Variants in LARP7 observed in about 807,000 individuals in gnomAD.
LARP7 encodes la-related protein 7.
LARP7 carries 52 observed loss-of-function variants against 69.3 expected under a neutral mutation model. The ratio of observed to expected loss-of-function variants is 0.75; its 90% confidence interval spans 0.60 to 0.95. The LOEUF (loss-of-function observed/expected upper bound fraction) is 0.95, where lower values mean the gene tolerates loss of function less well. LARP7 is among the 40% of genes least tolerant of loss of function. The pLI is 0.00. For synonymous variants in LARP7, 254 were observed against 215.9 expected (o/e 1.18, Z -1.55); for missense variants, 733 against 673.0 (o/e 1.09, Z -0.99).
chr4:112,649,343 G>C (rs906286007), intron 8 of LARP7, among the ~76,000 whole-genome samples, 192 bp from the exon 9 acceptor site: 1 of 152,096 alleles, frequency 6.6e-6, no homozygotes, highest in South Asian at 2.1e-4. Flanking sequence ...TGAATATTGG[G>C]GGAAGAGGAA....
chr4:112,646,403 T>A lies in LARP7; in HGVS notation c.255T>A (p.Thr85=), dbSNP rs780698789. ...VSFNKMKKLT[T]DGKLIARALR... ...TTAACAAAATGAAAAAATTGACTAC[T>A]GATGGGAAGTTAATTGCCAGAGCAT... Residue 85 remains threonine (T), a synonymous_variant, in exon 3 of 13, where the codon ACT becomes ACA. Coordinates refer to ENST00000344442, the MANE Select transcript of LARP7 (RefSeq NM_016648.4). 1 of 1,605,566 alleles carries A rather than the reference T, an allele frequency of 6.2e-7. No individual in the cohort carries two copies. The highest frequency in any genetic ancestry group is 8.5e-7 in the Non-Finnish European group (1 of 1,173,338).
intron 8 of LARP7, chr4:112,648,158 A>T (rs1297037892): frequency 3.8e-6 from 2 of 520,616 alleles, no homozygotes; most frequent in Non-Finnish European, 7.8e-6. Flanking sequence ...CTAAAAAAAT[A>T]ATAAAAATGT....
rs1057138690 is a variant in LARP7 at position 112,646,736 on chromosome 4, A to G, written c.388-55A>G. 3.2e-6 allele frequency: 5 copies of G among 1,552,202 alleles called. 1 individual carries two copies. The highest frequency in any genetic ancestry group is 4.1e-5 in the Admixed American group (2 of 49,132). On this transcript the variant is annotated intron_variant, in intron 4 of 12. Transcript: ENST00000344442. ...CAGAAACAATATAATTAAGTTAAAA[A>G]TTTATTGACATTCTGATTGTGAAAA...
intron 2 of LARP7, among the ~76,000 whole-genome samples, chr4:112,645,946 G>GT (rs1206728158): frequency 6.6e-6 from 1 of 152,044 alleles, no homozygotes; most frequent in Non-Finnish European, 1.5e-5. Context: ...ACACTAAAAT[G>GT]TGTCATTTTA....
Position 112,654,340 on chromosome 4 carries a change from A to T in LARP7, c.1668+181A>T, listed in dbSNP as rs4498194. 0.048 allele frequency: 23,607 copies of T among 488,306 alleles called. 764 individuals carry two copies. The highest frequency in any genetic ancestry group is 0.063 in the Non-Finnish European group (17,231 of 273,808). 30.2% of individuals were successfully genotyped at this position (488,306 alleles called of 1,614,324 possible). On this transcript the variant is annotated intron_variant, in intron 12 of 12. Coordinates refer to ENST00000344442, the MANE Select transcript of LARP7 (RefSeq NM_016648.4). ...ATTTCTCTAGATTTCAAAATGTATGAAATTGAATTATTTTTCTCACAAGGA... is the reference window on the plus strand; with the variant it reads ...ATTTCTCTAGATTTCAAAATGTATGTAATTGAATTATTTTTCTCACAAGGA...
chr4:112,648,950 A>C (rs1483444766), intron 8 of LARP7, among the ~76,000 whole-genome samples: 2 of 151,444 alleles, frequency 1.3e-5, no homozygotes, highest in East Asian at 3.9e-4. Flanking sequence ...AAAGAAAAAG[A>C]AAATCTCCTA....
At chr4:112,646,993 G>T in intron 5 of LARP7, 38 bp downstream of exon 5, 1 of 1,564,304 alleles carries the variant, frequency 6.4e-7, no homozygotes, top group Non-Finnish European at 8.6e-7. Context: ...AGAAAGAAAA[G>T]AAAACAAGTA....
intron 1 of LARP7, among the ~76,000 whole-genome samples, chr4:112,638,242 G>A (rs889630219): frequency 2.0e-5 from 3 of 151,842 alleles, no homozygotes; most frequent in African/African-American, 7.3e-5. Context: ...ATTACAGTGA[G>A]CCGGGATCGC....
At chr4:112,645,564 G>A (rs767945524) in intron 2 of LARP7, 13 of 455,994 alleles carry the variant, frequency 2.9e-5, no homozygotes, top group South Asian at 1.9e-4. Flanking sequence ...GGAATGCACT[G>A]GCTCCATGTC....
chr4:112,640,173 A>C lies in LARP7; in HGVS notation c.-3+2934A>C, dbSNP rs2047904980. On this transcript the variant is annotated intron_variant, in intron 1 of 12. Coordinates refer to ENST00000344442, the MANE Select transcript of LARP7 (RefSeq NM_016648.4). ...AGGCTGGTCTTGAACTTCTGACCTC[A>C]AGTGATACACCTGGCTCGGCCTCCC... 2.6e-5 allele frequency among the ~76,000 whole-genome samples: 4 copies of C among 151,990 alleles called. No homozygotes were observed. The South Asian group carries it at 8.3e-4, about 32-fold the overall frequency.
At chr4:112,638,606 C>T (rs901003235) in intron 1 of LARP7, among the ~76,000 whole-genome samples, 5 of 152,076 alleles carry the variant, frequency 3.3e-5, no homozygotes, top group Non-Finnish European at 7.4e-5. Context: ...TAACTGGTTC[C>T]CTTATTTACA....
intron 1 of LARP7, chr4:112,637,895 T>C (rs2047751691): frequency 6.6e-6 from 1 of 152,252 alleles, no homozygotes; most frequent in Non-Finnish European, 1.5e-5. Flanking sequence ...GGACTTGAGT[T>C]GTAAGCAGTG....
intron 1 of LARP7, among the ~76,000 whole-genome samples, chr4:112,641,885 T>G (rs1309991983): frequency 6.6e-6 from 1 of 152,130 alleles, no homozygotes; most frequent in Non-Finnish European, 1.5e-5. Context: ...AAGATAGATT[T>G]GTAAAGCATC....
intron 8 of LARP7, chr4:112,648,221 C>A: frequency 1.9e-6 from 1 of 533,052 alleles, no homozygotes; most frequent in South Asian, 1.4e-5. Flanking sequence ...TCTTTAGTTT[C>A]AAAGCAAGTA....
At chr4:112,644,394 G>A (rs1420255963) in intron 1 of LARP7, 1 of 753,610 alleles carries the variant, frequency 1.3e-6, no homozygotes, top group Non-Finnish European at 1.8e-6. Context: ...AGCTTAGTGA[G>A]ATAAAGGTGT....
intron 10 of LARP7, 144 bp downstream of exon 10, chr4:112,650,726 T>C (rs1329873551): frequency 7.1e-6 from 6 of 840,064 alleles, no homozygotes; most frequent in Admixed American, 3.5e-5. Context: ...TTTAATTCCA[T>C]GGTAACTCTT....
At position 112,657,159 on chromosome 4, in the gene LARP7, T is replaced by G. The variant is rs2048986375; in HGVS notation, c.1669-88T>G. 1.0e-5 allele frequency: 6 copies of G among 573,810 alleles called. No individual in the cohort carries two copies. The East Asian group carries it at 2.1e-4, about 20-fold the overall frequency. 35.5% of individuals were successfully genotyped at this position (573,810 alleles called of 1,614,324 possible). ...AAGCTGATAGCTGTGAAATTTTTTC[T>G]AGTCATAGTTTTGTGTGTGTGTGTG... On this transcript the variant is annotated intron_variant, in intron 12 of 12. Transcript: ENST00000344442.
At chr4:112,644,629 G>A in intron 1 of LARP7, 39 bp from the exon 2 acceptor site, 1 of 1,442,152 alleles carries the variant, frequency 6.9e-7, no homozygotes, top group East Asian at 2.3e-5. Context: ...AGCTATTGTG[G>A]TGATTTAAAT....
At chr4:112,656,310 A>G (rs1044032868) in intron 12 of LARP7, among the ~76,000 whole-genome samples, 1 of 151,922 alleles carries the variant, frequency 6.6e-6, no homozygotes, top group Non-Finnish European at 1.5e-5. Flanking sequence ...AGGCAAGAGA[A>G]TTGCCTGAAC....
Sources: gnomAD v4.1 joint callset for allele counts (sites outside exome capture counted in the v4.1 genomes callset) on GRCh38, gnomAD v4.1.1 for gene constraint, MANE v1.5 for transcripts, NCBI Gene and HGNC (gene_info 2026-07-23, HGNC 2026-07-21) for gene names.